FRAS1: variants seen among roughly 807,000 people sequenced by gnomAD.
FRAS1 encodes extracellular matrix organizing protein FRAS1.
FRAS1 carries 290 observed loss-of-function variants against 435.2 expected under a neutral mutation model. The ratio of observed to expected loss-of-function variants is 0.67; its 90% CI spans 0.61 to 0.73. The LOEUF (loss-of-function observed/expected upper bound fraction) is 0.73, where lower values mean the gene tolerates loss of function less well. Among genes scored for constraint, FRAS1 ranks in the 30% least tolerant of loss-of-function variants. The pLI, the probability that FRAS1 is intolerant of heterozygous loss-of-function variation, is 0.00. For synonymous variants in FRAS1, 1,800 were observed against 1,851.0 expected (o/e 0.97, Z 0.71); for missense variants, 4,860 against 5,001.5 (o/e 0.97, Z 0.85).
intron 17 of FRAS1, 88 bp downstream of exon 17, chr4:78,317,596 ACTTTTCTTCTAGTGTAT>A: frequency 8.0e-7 from 1 of 1,250,964 alleles, no homozygotes; most frequent in East Asian, 2.6e-5. Context: ...TTCCAGTGTA[ACTTTTCTTCTAGTGTAT>A]CTTTTATGGC....
chr4:78,102,850 C>T (rs1455922997), intron 2 of FRAS1, among the ~76,000 whole-genome samples: 6 of 152,142 alleles, frequency 3.9e-5, no homozygotes, highest in Non-Finnish European at 7.4e-5. Context: ...AGCAACTCTC[C>T]TATTCTTTAA....
At chr4:78,527,438 C>T (rs1421682403) in intron 70 of FRAS1, among the ~76,000 whole-genome samples, 2 of 152,164 alleles carry the variant, frequency 1.3e-5, no homozygotes, top group African/African-American at 4.8e-5. Flanking sequence ...GTAATCCGTG[C>T]TCTCAGGCAG....
intron 2 of FRAS1, among the ~76,000 whole-genome samples, chr4:78,152,818 T>C (rs1720725832): frequency 6.6e-6 from 1 of 152,262 alleles, no homozygotes; most frequent in Middle Eastern, 3.4e-3. Context: ...TAAATCTGTC[T>C]GTCAGCAGTA....
chr4:78,331,860 G>A (rs532808231), intron 18 of FRAS1, among the ~76,000 whole-genome samples: 3 of 152,130 alleles, frequency 2.0e-5, no homozygotes, highest in Non-Finnish European at 4.4e-5. Context: ...TTATTATTCC[G>A]ATGTGTTGAG....
chr4:78,465,160 T>C (rs1272126333), intron 49 of FRAS1, among the ~76,000 whole-genome samples: 1 of 152,234 alleles, frequency 6.6e-6, no homozygotes, highest in Non-Finnish European at 1.5e-5. Flanking sequence ...ATTAGTTCTA[T>C]GTATCCCCTT....
intron 22 of FRAS1, among the ~76,000 whole-genome samples, 175 bp from the exon 23 acceptor site, chr4:78,369,648 TACCCTTTTCTATTTC>T (rs1230326259): frequency 6.6e-6 from 1 of 152,240 alleles, no homozygotes; most frequent in African/African-American, 2.4e-5. Context: ...AAAATAAGAT[TACCCTTTTCTATTTC>T]GGAAACTAAT....
Position 78,445,558 on chromosome 4 carries a change from A to G in FRAS1, c.5702A>G (p.Glu1901Gly). Residue 1901 changes from glutamate to glycine, a missense_variant, in exon 42 of 74, where the codon GAG (glutamate) becomes GGG (glycine). By Grantham distance (98) the Glu-to-Gly change is moderately conservative (BLOSUM62 -2). Coordinates refer to ENST00000512123, the MANE Select transcript of FRAS1 (RefSeq NM_025074.7). The part of the protein sequence containing the change: ...RFGPETASDL[E>G]ASFPIQDVLE... ...GGCCCTGAAACTGCCAGTGACCTAG[A>G]GGCATCATTTCCTATTCAAGACGTC... is the stretch of plus-strand genomic sequence containing the variant. 1.2e-6 allele frequency: 2 copies of G among 1,607,968 alleles called. No individual in the cohort carries two copies. The highest frequency in any genetic ancestry group is 1.7e-4 in the Middle Eastern group (1 of 6,036).
intron 2 of FRAS1, among the ~76,000 whole-genome samples, chr4:78,126,803 A>C (rs1719382750): frequency 6.6e-6 from 1 of 152,234 alleles, no homozygotes; most frequent in African/African-American, 2.4e-5. Context: ...ATTGATATAG[A>C]GTACCATTAA....
intron 2 of FRAS1, among the ~76,000 whole-genome samples, chr4:78,096,935 G>T (rs1314040591): frequency 6.6e-6 from 1 of 152,196 alleles, no homozygotes; most frequent in Non-Finnish European, 1.5e-5. Flanking sequence ...AGAAAAAGGA[G>T]AAATCTTTTC....
In FRAS1 at chr4:78,078,795, T is replaced by C. The variant is rs562920946; in HGVS notation, c.108+12779T>C. 1.4e-3 allele frequency among the ~76,000 whole-genome samples: 213 copies of C among 152,136 alleles called. 1 individual carries two copies. The highest frequency in any genetic ancestry group is 4.7e-3 in the African/African-American group (194 of 41,522). On this transcript the variant is annotated intron_variant, in intron 2 of 73. Transcript: ENST00000512123. ...AGAGAAAATACAAGTAGCAAACAAA[T>C]ATATTAAGAAGAATTGTTGTTAATA...
At chr4:78,113,069 C>T (rs1742853781) in intron 2 of FRAS1, among the ~76,000 whole-genome samples, 1 of 152,024 alleles carries the variant, frequency 6.6e-6, no homozygotes, top group Non-Finnish European at 1.5e-5. Context: ...TGAGTGAGAA[C>T]ATGCGGTGTT....
chr4:78,476,420 G>A (rs201166684), intron 54 of FRAS1, among the ~76,000 whole-genome samples: 90 of 87,846 alleles, frequency 1.0e-3, no homozygotes, highest in African/African-American at 2.7e-3. Flanking sequence ...ACAAATACAG[G>A]GCCCCATGTA....
At chr4:78,303,333 C>T (rs1417553275) in intron 14 of FRAS1, among the ~76,000 whole-genome samples, 6 of 152,158 alleles carry the variant, frequency 3.9e-5, no homozygotes, top group Non-Finnish European at 5.9e-5. Context: ...ATTGACTTGG[C>T]GATGGAGGCT....
chr4:78,362,780 G>A lies in FRAS1; in HGVS notation c.2423-733G>A, dbSNP rs115800368. ...AAGAGAGTGGAGCTGGAGAGGGGAC[G>A]AGAAGGACAGGTCGTCTTTCCCCAA... is the stretch of plus-strand genomic sequence containing the variant. On this transcript the variant is annotated intron_variant, in intron 20 of 73. Coordinates refer to ENST00000512123, the MANE Select transcript of FRAS1 (RefSeq NM_025074.7). Among the ~76,000 whole-genome samples the A allele has an allele frequency of 1.9e-3, 296 of 152,284 alleles. 3 individuals are homozygous for A. Among genetic ancestry groups the A allele is most frequent in the African/African-American group, 6.4e-3 (264 of 41,564 alleles).
chr4:78,467,487 G>C (rs1719569062), intron 50 of FRAS1, among the ~76,000 whole-genome samples: 1 of 152,104 alleles, frequency 6.6e-6, no homozygotes, highest in Non-Finnish European at 1.5e-5. Flanking sequence ...TGGACACTTA[G>C]GTTGCTTCCA....
At position 78,212,222 on chromosome 4, in the gene FRAS1, C is replaced by T. The variant is rs1442131809; in HGVS notation, c.109-25288C>T. 2.6e-5 allele frequency among the ~76,000 whole-genome samples: 4 copies of T among 152,108 alleles called. No homozygotes were observed. In the East Asian group the frequency reaches 7.7e-4, roughly 29 times the overall value. On this transcript the variant is annotated intron_variant, in intron 2 of 73. Transcript: ENST00000512123. ...TTGAAAATTGTCACCTTTGCAAATT[C>T]TTGTTTGTCCTTCAAGTCTCATCTA...
chr4:78,334,915 T>C (rs149943635), intron 19 of FRAS1, among the ~76,000 whole-genome samples: 55 of 152,098 alleles, frequency 3.6e-4, no homozygotes, highest in African/African-American at 1.3e-3. Context: ...TACACCACCA[T>C]GCCCAAGTAA....
chr4:78,177,149 G>A (rs891289529), intron 2 of FRAS1, among the ~76,000 whole-genome samples: 8 of 150,318 alleles, frequency 5.3e-5, no homozygotes, highest in African/African-American at 1.5e-4. Flanking sequence ...GTGCAGTGGC[G>A]CTATCTCGGC....
Position 78,479,493 on chromosome 4 carries a change from A to C in FRAS1, c.8218A>C (p.Ser2740Arg). 6.2e-7 allele frequency: 1 copy of C among 1,612,734 alleles called. No individual in the cohort carries two copies. Among genetic ancestry groups the C allele is most frequent in the Non-Finnish European group, 8.5e-7 (1 of 1,178,984 alleles). ...TAAATCTAGAGGGATGTCTGCCGCG[A>C]GTCGTGTGATATTCGGGCCTGGTGT... The part of the protein sequence containing the change: ...DFKSRGMSAA[S>R]RVIFGPGVTM... Residue 2740 changes from serine (S) to arginine (R), a missense_variant, in exon 56 of 74, where the codon AGT (serine) becomes CGT (arginine). By Grantham distance (110) the Ser-to-Arg change is moderately radical. Transcript: ENST00000512123.
Sources: allele counts gnomAD v4.1 joint callset (sites outside exome capture counted in the v4.1 genomes callset), GRCh38; gene constraint gnomAD v4.1.1; transcripts MANE v1.5; gene names NCBI Gene and HGNC (gene_info 2026-07-23, HGNC 2026-07-21).